Variants in ZNF398 observed in about 807,000 individuals in gnomAD.
ZNF398 encodes the protein zinc finger protein 398.
ZNF398 carries 18 observed loss-of-function variants against 41.9 expected under a neutral mutation model. That is an observed-to-expected ratio of 0.43 (90% CI 0.30 to 0.64). The LOEUF (loss-of-function observed/expected upper bound fraction) is 0.64, where lower values mean the gene tolerates loss of function less well. Among genes scored for constraint, ZNF398 ranks in the 30% least tolerant of loss-of-function variants. ZNF398 has a pLI of 0.14. For missense variants in ZNF398, 669 were observed against 822.8 expected (o/e 0.81, Z 2.29); for synonymous variants, 260 against 308.8 (o/e 0.84, Z 1.66).
chr7:149,152,058 C>CA (rs1194219203), intron 1 of ZNF398, among the ~76,000 whole-genome samples: 4 of 151,722 alleles, frequency 2.6e-5, no homozygotes, highest in Non-Finnish European at 5.9e-5. Context: ...ACTAAAAATA[C>CA]AAAAAATTAG....
rs1795615042 is a variant in ZNF398, at chr7:149,182,544, A to G, written c.*2743A>G. ...TTTAACACTTCAGTTAAAGAAATAC[A>G]TGAGAACTGCTTGTCATGACCAGAC... On this transcript the variant is annotated 3_prime_UTR_variant, in exon 6 of 6. Coordinates refer to ENST00000475153, the MANE Select transcript of ZNF398 (RefSeq NM_170686.3). 1 of 152,220 alleles carries G rather than the reference A, an allele frequency of 6.6e-6. No individual in the cohort carries two copies. The highest frequency in any genetic ancestry group is 1.5e-5 in the Non-Finnish European group (1 of 68,030). The allele number at this position is 152,220 out of a possible 1,614,324, so 9.4% of individuals were successfully genotyped here. A position where few individuals can be genotyped will look rare whatever the true frequency, so the allele number is the denominator to read the frequency against.
chr7:149,176,299 G>A (rs1197019218), intron 4 of ZNF398, among the ~76,000 whole-genome samples, 169 bp from the exon 5 acceptor site: 2 of 152,100 alleles, frequency 1.3e-5, no homozygotes, highest in Admixed American at 6.5e-5. Flanking sequence ...GTGAGCCATC[G>A]TGCCACTGCA....
intron 2 of ZNF398, among the ~76,000 whole-genome samples, chr7:149,139,732 G>A (rs1352412662): frequency 1.3e-5 from 2 of 150,854 alleles, no homozygotes; most frequent in Non-Finnish European, 3.0e-5. Flanking sequence ...TTGGCCGGGC[G>A]TGGTGGCTCA....
chr7:149,133,855 G>T (rs577359237), intron 2 of ZNF398, among the ~76,000 whole-genome samples: 167 of 144,522 alleles, frequency 1.2e-3, no homozygotes, highest in African/African-American at 4.0e-3. Context: ...GCGTTCAAGC[G>T]ATTCTCCTGC....
chr7:149,157,221 C>T (rs187567540), intron 2 of ZNF398, among the ~76,000 whole-genome samples: 68 of 151,550 alleles, frequency 4.5e-4, no homozygotes, highest in African/African-American at 1.5e-3. Flanking sequence ...TCAGGAGAGA[C>T]GTTAAAAGTG....
upstream of ZNF398, among the ~76,000 whole-genome samples, chr7:149,146,040 G>A (rs372974210): frequency 1.4e-5 from 2 of 145,966 alleles, no homozygotes; most frequent in East Asian, 2.2e-4. Context: ...CCGCCTCCTG[G>A]GTTCCAGCGA....
rs754274856 is a variant in ZNF398, at chr7:149,179,837, C to G, written c.*36C>G. ...CTGTGGCTTCATGCTTGTATATGCT[C>G]ACAGCAGGGCACAAAATCCAAGAGA... On this transcript the variant is annotated 3_prime_UTR_variant, in exon 6 of 6. Coordinates refer to ENST00000475153, the MANE Select transcript of ZNF398 (RefSeq NM_170686.3). The surrounding 1 kb of genome is among the most constrained non-coding windows in gnomAD (Gnocchi z 6.1). The G allele has an allele frequency of 6.6e-7, 1 of 1,508,408 alleles. No homozygotes were observed. The highest frequency in any genetic ancestry group is 8.9e-7 in the Non-Finnish European group (1 of 1,125,336). 93.4% of individuals were successfully genotyped at this position (1,508,408 alleles called of 1,614,324 possible). A position where few individuals can be genotyped will look rare whatever the true frequency, so the allele number is the denominator to read the frequency against.
chr7:149,159,040 G>A (rs1047056231), intron 2 of ZNF398, among the ~76,000 whole-genome samples: 2 of 149,356 alleles, frequency 1.3e-5, no homozygotes, highest in Admixed American at 6.7e-5. Context: ...GTGCAGTGGC[G>A]TGATCTCGGC....
chr7:149,140,650 T>C (rs143459235), intron 2 of ZNF398, among the ~76,000 whole-genome samples: 3,210 of 152,148 alleles, frequency 0.021, 42 homozygotes, highest in Middle Eastern at 0.044. Context: ...TCCCAAAGTG[T>C]TGGGATTACA....
At chr7:149,155,707 A>ATATATTTT (rs1794954712) in intron 2 of ZNF398, among the ~76,000 whole-genome samples, 2 of 73,578 alleles carry the variant, frequency 2.7e-5, no homozygotes, top group Non-Finnish European at 4.8e-5. Flanking sequence ...ATATATATAT[A>ATATATTTT]TTTTTTTTTT....
rs1217576039 is a variant in ZNF398, at chr7:149,179,398, G to A, written c.1526G>A (p.Arg509His). 2.5e-6 allele frequency: 4 copies of A among 1,613,788 alleles called. No homozygotes were observed. Among genetic ancestry groups the A allele is most frequent in the African/African-American group, 1.3e-5 (1 of 75,034 alleles). ...IRHQMIHTGE[R>H]PYPCTDCSKS... ...CACCAGATGATCCACACAGGCGAGC[G>A]TCCTTACCCCTGCACTGACTGCAGT... is the stretch of plus-strand genomic sequence containing the variant. Residue 509 changes from arginine (R) to histidine (H), a missense_variant, in exon 6 of 6, where the codon CGT becomes CAT. Arg to His is a conservative substitution (Grantham distance 29, BLOSUM62 0). Transcript: ENST00000475153. This position sits in a 1 kb window ranked among gnomAD's most constrained non-coding sequence, Gnocchi z 6.1.
In ZNF398 at chr7:149,180,452, A is replaced by G. The variant is rs918265166; in HGVS notation, c.*651A>G. On this transcript the variant is annotated 3_prime_UTR_variant, in exon 6 of 6. Coordinates refer to ENST00000475153, the MANE Select transcript of ZNF398 (RefSeq NM_170686.3). The stretch of plus-strand genomic sequence containing the variant: ...TAATATTGGTTGAACAAGAAATCTG[A>G]CTTTAAAAGATTATTAAGGAGAATA... 3.3e-5 allele frequency: 5 copies of G among 152,240 alleles called. No homozygotes were observed. The highest frequency in any genetic ancestry group is 1.2e-4 in the African/African-American group (5 of 41,476). The allele number at this position is 152,240 out of a possible 1,614,324, so 9.4% of individuals were successfully genotyped here. A position where few individuals can be genotyped will look rare whatever the true frequency, so the allele number is the denominator to read the frequency against.
At chr7:149,146,285 A>C (rs1352861094), upstream of ZNF398, among the ~76,000 whole-genome samples, 2 of 152,066 alleles carry the variant, frequency 1.3e-5, no homozygotes, top group African/African-American at 4.8e-5. Context: ...CGTAACCCCA[A>C]GCTCGATCTC....
In ZNF398 at chr7:149,176,619, C is replaced by A. The variant is rs369461327; in HGVS notation, c.775+38C>A. 1.0e-4 allele frequency: 142 copies of A among 1,365,424 alleles called. 1 individual carries two copies. The highest frequency in any genetic ancestry group is 4.5e-5 in the Non-Finnish European group (44 of 978,106). 84.6% of individuals were successfully genotyped at this position (1,365,424 alleles called of 1,614,324 possible). ...TTAAAGAGGTGTTCATGTCCATATCCAGCTCATGCCAGGACTGACTGAAGA... is the reference window on the plus strand; with the variant it reads ...TTAAAGAGGTGTTCATGTCCATATCAAGCTCATGCCAGGACTGACTGAAGA... On this transcript the variant is annotated intron_variant, in intron 5 of 5. Coordinates refer to ENST00000475153, the MANE Select transcript of ZNF398 (RefSeq NM_170686.3).
At chr7:149,150,815 T>A (rs1708823266) in intron 1 of ZNF398, among the ~76,000 whole-genome samples, 1 of 152,092 alleles carries the variant, frequency 6.6e-6, no homozygotes, top group Non-Finnish European at 1.5e-5. Flanking sequence ...GTTCAAGTGA[T>A]TCTCTAGCCT....
chr7:149,150,545 G>A (rs570671225), intron 1 of ZNF398, among the ~76,000 whole-genome samples: 5 of 152,250 alleles, frequency 3.3e-5, no homozygotes, highest in South Asian at 2.1e-4. Context: ...GTTGCGGTAA[G>A]CTGAGATTAC....
In ZNF398 at chr7:149,178,889, C is replaced by T. The variant is rs779941772; in HGVS notation, c.1017C>T (p.Gly339=). Residue 339 remains glycine, a synonymous_variant, in exon 6 of 6, where the codon GGC becomes GGT. Transcript: ENST00000475153. ...LGSYPLPPPV[G]EQVFSCHHCG... is the part of the protein sequence containing the mutation. ...GCTATCCCCTCCCACCTCCAGTTGG[C>T]GAGCAGGTGTTCTCATGCCACCACT... 1.2e-5 allele frequency: 19 copies of T among 1,613,986 alleles called. 1 individual carries two copies. The South Asian group carries it at 2.0e-4, about 17-fold the overall frequency.
chr7:149,130,705 G>A (rs1371796276), intron 2 of ZNF398, among the ~76,000 whole-genome samples: 1 of 152,132 alleles, frequency 6.6e-6, no homozygotes, highest in African/African-American at 2.4e-5. Context: ...CCAGGGGTTT[G>A]GTCTAGGTGC....
chr7:149,149,788 T>G (rs1307955609), intron 1 of ZNF398, among the ~76,000 whole-genome samples: 1 of 152,122 alleles, frequency 6.6e-6, no homozygotes, highest in Non-Finnish European at 1.5e-5. Flanking sequence ...CAGTGAGCTG[T>G]GATCCTGCCA....
Sources: gnomAD v4.1 joint callset for allele counts (sites outside exome capture counted in the v4.1 genomes callset) on GRCh38, gnomAD v4.1.1 for gene constraint, Gnocchi (gnomAD v3.1) non-coding constraint, MANE v1.5 for transcripts, NCBI Gene and HGNC (gene_info 2026-07-23, HGNC 2026-07-21) for gene names.